Variants in SSPN observed in about 807,000 individuals in gnomAD.
SSPN encodes K-ras oncogene-associated protein.
Under a neutral mutation model 19.1 loss-of-function variants are expected in SSPN, and 15 were observed. The observed-to-expected ratio is 0.78, with a 90% CI of 0.52 to 1.21. The LOEUF (loss-of-function observed/expected upper bound fraction) is 1.21. Among genes scored for constraint, SSPN ranks in the 50% most tolerant of loss-of-function variants. The pLI is 0.00. For synonymous variants in SSPN, 147 were observed against 140.3 expected, an observed-to-expected ratio of 1.05 and a Z score of -0.34; for missense variants, 291 against 314.0, an observed-to-expected ratio of 0.93 and a Z score of 0.55.
intron 1 of SSPN, among the ~76,000 whole-genome samples, chr12:26,215,424 A>G (rs550657147): frequency 2.0e-4 from 31 of 152,322 alleles, no homozygotes; most frequent in South Asian, 4.1e-4. Flanking sequence ...CTGTCAAAAG[A>G]GGGACCCAGA....
chr12:26,231,276 A>C lies in SSPN; in HGVS notation c.*200A>C. ...TTTTTTTTAACATTCTTGCAGAGAA[A>C]GCAAGATCCAAATTGATTTTGGGAT... is the stretch of plus-strand genomic sequence containing the variant. On this transcript the variant is annotated 3_prime_UTR_variant, in exon 3 of 3. Coordinates refer to ENST00000242729, the MANE Select transcript of SSPN (RefSeq NM_005086.5). 1 of 800,334 alleles carries C rather than the reference A, an allele frequency of 1.2e-6. No homozygotes were observed. Among genetic ancestry groups the C allele is most frequent in the Non-Finnish European group, 1.8e-6 (1 of 554,030 alleles). 49.6% of individuals were successfully genotyped at this position (800,334 alleles called of 1,614,324 possible).
At position 26,209,795 on chromosome 12, in the gene SSPN, CGTGTGTGTGTGTGT is replaced by C. The variant is rs56680376; in HGVS notation, c.279+13875_279+13888del. On this transcript the variant is annotated intron_variant, in intron 1 of 2. Coordinates refer to ENST00000242729, the MANE Select transcript of SSPN (RefSeq NM_005086.5). ...ATTCTTATAGCTCTGATTCTTAGAG[CGTGTGTGTGTGTGT>C]GTGTGTGTGTGTGTGTGTGTGTGTG... Among the ~76,000 whole-genome samples, 145 of 145,068 alleles carry C rather than the reference CGTGTGTGTGTGTGT, an allele frequency of 1.0e-3. 1 individual carries two copies. The highest frequency in any genetic ancestry group is 3.4e-3 in the Middle Eastern group (1 of 290).
chr12:26,214,016 T>C (rs754010301), intron 1 of SSPN, among the ~76,000 whole-genome samples: 1 of 152,298 alleles, frequency 6.6e-6, no homozygotes, highest in Admixed American at 6.5e-5. Flanking sequence ...TTCTAAGTTG[T>C]GACTGAGTGC....
At chr12:26,227,906 T>G (rs930326191) in intron 2 of SSPN, among the ~76,000 whole-genome samples, 9 of 152,366 alleles carry the variant, frequency 5.9e-5, no homozygotes, top group Admixed American at 2.6e-4. Context: ...TTAAATGGTC[T>G]TGGGCACATC....
chr12:26,160,934 C>G (rs1944584423), intron 1 of SSPN, among the ~76,000 whole-genome samples: 1 of 151,810 alleles, frequency 6.6e-6, no homozygotes, highest in African/African-American at 2.4e-5. Flanking sequence ...ATGGTGAAAC[C>G]CTGTCTCTAC....
rs376375083 is a variant in SSPN at position 26,232,377 on chromosome 12, T to C, written c.*1301T>C. 7.1e-6 allele frequency: 7 copies of C among 985,318 alleles called. No individual in the cohort carries two copies. The highest frequency in any genetic ancestry group is 1.1e-4 in the East Asian group (1 of 8,832). The allele number at this position is 985,318 out of a possible 1,614,324, so 61.0% of individuals were successfully genotyped here. On this transcript the variant is annotated 3_prime_UTR_variant, in exon 3 of 3. Transcript: ENST00000242729. ...GTGGGGAGACTTCTCTCTGTGATTA[T>C]TGTTGCTATTAAATTCTGAACTGTA...
intron 1 of SSPN, among the ~76,000 whole-genome samples, chr12:26,201,566 G>A (rs2343870): frequency 3.3e-5 from 5 of 151,394 alleles, no homozygotes; most frequent in Non-Finnish European, 5.9e-5. Context: ...CCAAGAGAGT[G>A]TTTATATAAT....
intron 1 of SSPN, among the ~76,000 whole-genome samples, chr12:26,131,089 C>T (rs1023831008): frequency 4.6e-5 from 7 of 152,174 alleles, no homozygotes; most frequent in African/African-American, 1.7e-4. Context: ...GGCTTGTCCA[C>T]GTCCTCTTCT....
chr12:26,137,050 G>A (rs898044168), intron 1 of SSPN, among the ~76,000 whole-genome samples: 1 of 152,174 alleles, frequency 6.6e-6, no homozygotes, highest in Non-Finnish European at 1.5e-5. Context: ...ACTAATAAAA[G>A]CAAGACTTTT....
chr12:26,192,383 C>T (rs945324404), upstream of SSPN, among the ~76,000 whole-genome samples: 1 of 152,048 alleles, frequency 6.6e-6, no homozygotes, highest in African/African-American at 2.4e-5. Context: ...ACTGAAAAAC[C>T]CAGTTCATTT....
chr12:26,165,307 G>A (rs1944613855), intron 1 of SSPN, among the ~76,000 whole-genome samples: 2 of 152,182 alleles, frequency 1.3e-5, no homozygotes, highest in Non-Finnish European at 2.9e-5. Context: ...GCCCTTCCTG[G>A]TTCAAGTTCT....
At chr12:26,201,131 C>T (rs191567243) in intron 1 of SSPN, among the ~76,000 whole-genome samples, 1 of 149,284 alleles carries the variant, frequency 6.7e-6, no homozygotes, top group Non-Finnish European at 1.5e-5. Flanking sequence ...AATCCTGGCA[C>T]TTTGGGAGGC....
intron 1 of SSPN, among the ~76,000 whole-genome samples, chr12:26,156,634 A>G (rs1336328386): frequency 6.6e-6 from 1 of 152,208 alleles, no homozygotes; most frequent in Admixed American, 6.5e-5. Context: ...GAAACCCCTG[A>G]CAATGACAAG....
At chr12:26,122,326 C>T (rs1247374861) in intron 1 of SSPN, 3 of 1,170,814 alleles carry the variant, frequency 2.6e-6, no homozygotes. Flanking sequence ...GCCGCGGCTG[C>T]CGCCGGGGCG....
At chr12:26,208,753 A>T (rs1214940457) in intron 1 of SSPN, among the ~76,000 whole-genome samples, 1 of 152,104 alleles carries the variant, frequency 6.6e-6, no homozygotes, top group East Asian at 1.9e-4. Context: ...AATGATGTGA[A>T]GGGTCCATAC....
intron 1 of SSPN, among the ~76,000 whole-genome samples, chr12:26,154,088 T>C (rs1230334285): frequency 6.6e-6 from 1 of 152,228 alleles, no homozygotes; most frequent in African/African-American, 2.4e-5. Flanking sequence ...CAAAAAAACC[T>C]ATGGCAAAAA....
chr12:26,125,098 T>A, intron 1 of SSPN: 1 of 367,234 alleles, frequency 2.7e-6, no homozygotes, highest in South Asian at 2.2e-5. Context: ...GAACGTACCA[T>A]CCGCGGTCCA....
intron 1 of SSPN, among the ~76,000 whole-genome samples, chr12:26,201,034 T>TATATATA (rs1944877602): frequency 1.8e-5 from 1 of 55,860 alleles, no homozygotes; most frequent in African/African-American, 6.4e-5. Flanking sequence ...TATATATATA[T>TATATATA]ATATATATAT....
At position 26,231,175 on chromosome 12, in the gene SSPN, A is replaced by G. The variant is rs1452485123; in HGVS notation, c.*99A>G. The G allele has an allele frequency of 7.2e-7, 1 of 1,386,508 alleles. No individual in the cohort carries two copies. The highest frequency in any genetic ancestry group is 9.5e-7 in the Non-Finnish European group (1 of 1,056,614). 85.9% of individuals were successfully genotyped at this position (1,386,508 alleles called of 1,614,324 possible). On this transcript the variant is annotated 3_prime_UTR_variant, in exon 3 of 3. Transcript: ENST00000242729. ...AACAAAGAAAGGAAAAAAATTGACAATAAAAGTCACTCTTCTAATTGAATA... is the reference window on the plus strand; with the variant it reads ...AACAAAGAAAGGAAAAAAATTGACAGTAAAAGTCACTCTTCTAATTGAATA...
Sources: allele counts gnomAD v4.1 joint callset (sites outside exome capture counted in the v4.1 genomes callset), GRCh38; gene constraint gnomAD v4.1.1; transcripts MANE v1.5; gene names NCBI Gene and HGNC (gene_info 2026-07-23, HGNC 2026-07-21).